EEA1: variants seen among roughly 807,000 people sequenced by gnomAD.
EEA1 encodes the protein early endosome antigen 1, 162kD.
In EEA1, 111 loss-of-function variants were observed where a neutral mutation model predicts 209.2. The observed-to-expected ratio is 0.53, with a 90% CI of 0.45 to 0.62. The LOEUF is 0.62. Among genes scored for constraint, EEA1 ranks in the 20% least tolerant of loss-of-function variants. The pLI is 0.00. For synonymous variants in EEA1, 536 were observed against 540.6 expected (o/e 0.99, Z 0.12); for missense variants, 1,343 against 1,530.8 (o/e 0.88, Z 2.05).
At chr12:92,870,292 A>C (rs1878584353) in intron 2 of EEA1, among the ~76,000 whole-genome samples, 2 of 152,198 alleles carry the variant, frequency 1.3e-5, no homozygotes, top group Admixed American at 6.5e-5. Context: ...AAAAGGTTGC[A>C]TTATTTTATA....
At chr12:92,798,782 C>A in intron 21 of EEA1, 110 bp downstream of exon 21, 2 of 739,408 alleles carry the variant, frequency 2.7e-6, no homozygotes, top group Non-Finnish European at 4.0e-6. Context: ...AAAAAATTAG[C>A]TTATGTAAAC....
chr12:92,827,881 G>A (rs1876392390), intron 12 of EEA1, 31 bp downstream of exon 12: 1 of 1,508,848 alleles, frequency 6.6e-7, no homozygotes, highest in South Asian at 1.4e-5. Context: ...GATGCCTCAA[G>A]CCTATCAATA....
At chr12:92,888,487 G>C (rs899671414) in intron 2 of EEA1, among the ~76,000 whole-genome samples, 1 of 151,774 alleles carries the variant, frequency 6.6e-6, no homozygotes, top group African/African-American at 2.4e-5. Context: ...TGAGGCAGGA[G>C]AATGGCGTGA....
chr12:92,872,751 G>A (rs189943159), intron 2 of EEA1, among the ~76,000 whole-genome samples: 4 of 152,194 alleles, frequency 2.6e-5, no homozygotes, highest in Admixed American at 6.5e-5. Context: ...TCAGGAGTTC[G>A]AGACCAGTCT....
At chr12:92,847,537 A>G (rs919853860) in intron 9 of EEA1, among the ~76,000 whole-genome samples, 3 of 152,238 alleles carry the variant, frequency 2.0e-5, no homozygotes, top group Admixed American at 1.3e-4. Context: ...ATGGTATGAC[A>G]CAACTCAAAA....
At chr12:92,809,756 ATAGTTAT>A (rs1875403936) in intron 17 of EEA1, among the ~76,000 whole-genome samples, 1 of 152,080 alleles carries the variant, frequency 6.6e-6, no homozygotes, top group African/African-American at 2.4e-5. Context: ...AGAAACATAA[ATAGTTAT>A]TATCTCAGTA....
chr12:92,801,560 T>C, intron 20 of EEA1, 40 bp downstream of exon 20: 1 of 1,329,518 alleles, frequency 7.5e-7, no homozygotes, highest in Non-Finnish European at 1.0e-6. Context: ...AAGACCTTAC[T>C]ATACTTTACA....
intron 3 of EEA1, among the ~76,000 whole-genome samples, chr12:92,860,692 G>T (rs149445486): frequency 6.6e-6 from 1 of 152,146 alleles, no homozygotes; most frequent in Non-Finnish European, 1.5e-5. Context: ...AGCTGGTGTG[G>T]CTGGCCATGG....
intron 22 of EEA1, among the ~76,000 whole-genome samples, chr12:92,785,371 A>G (rs1431939374): frequency 6.6e-6 from 1 of 152,172 alleles, no homozygotes; most frequent in African/African-American, 2.4e-5. Flanking sequence ...TACACTGTCA[A>G]CCCATGGTAG....
chr12:92,814,808 G>A (rs1434812629), intron 15 of EEA1, among the ~76,000 whole-genome samples: 1 of 152,140 alleles, frequency 6.6e-6, no homozygotes, highest in African/African-American at 2.4e-5. Flanking sequence ...ACACAAGGAA[G>A]TACCGTGGAA....
At chr12:92,894,898 A>G (rs1444200808) in intron 1 of EEA1, among the ~76,000 whole-genome samples, 3 of 152,224 alleles carry the variant, frequency 2.0e-5, no homozygotes, top group African/African-American at 4.8e-5. Context: ...TACTATAGCT[A>G]GAGAAGAGAA....
At chr12:92,777,129 G>A (rs1183709764) in intron 27 of EEA1, among the ~76,000 whole-genome samples, 187 bp from the exon 28 acceptor site, 1 of 151,866 alleles carries the variant, frequency 6.6e-6, no homozygotes, top group African/African-American at 2.4e-5. Flanking sequence ...AAATCTGAAT[G>A]ACAAAATAAA....
chr12:92,919,921 A>G (rs1324268811), intron 1 of EEA1, among the ~76,000 whole-genome samples: 10 of 79,730 alleles, frequency 1.3e-4, no homozygotes, highest in Admixed American at 1.6e-4. Flanking sequence ...AAATCAATGT[A>G]CAAAAATCAC....
chr12:92,823,870 G>C (rs1036800434), intron 13 of EEA1, among the ~76,000 whole-genome samples: 3 of 152,330 alleles, frequency 2.0e-5, no homozygotes, highest in East Asian at 1.9e-4. Context: ...TCTGGGTACA[G>C]TGTAAGAAAG....
At chr12:92,909,525 G>A (rs1444870025) in intron 1 of EEA1, among the ~76,000 whole-genome samples, 1 of 152,110 alleles carries the variant, frequency 6.6e-6, no homozygotes, top group South Asian at 2.1e-4. Flanking sequence ...ATGGAACAAA[G>A]GCAATAAAAT....
chr12:92,804,308 C>T (rs1404195534), intron 18 of EEA1, among the ~76,000 whole-genome samples: 1 of 152,126 alleles, frequency 6.6e-6, no homozygotes, highest in East Asian at 1.9e-4. Flanking sequence ...CACGGTGGCT[C>T]ACGCCTGTAA....
At chr12:92,831,929 C>CA (rs1257084371) in intron 11 of EEA1, among the ~76,000 whole-genome samples, 2 of 147,720 alleles carry the variant, frequency 1.4e-5, no homozygotes, top group East Asian at 2.0e-4. Flanking sequence ...ACTAAAAATA[C>CA]AAAAAAAATT....
At chr12:92,814,243 A>G (rs529365282) in intron 15 of EEA1, among the ~76,000 whole-genome samples, 73 of 152,318 alleles carry the variant, frequency 4.8e-4, no homozygotes, top group African/African-American at 1.7e-3. Flanking sequence ...CTTAATTTTC[A>G]CAGAAATAAT....
intron 20 of EEA1, among the ~76,000 whole-genome samples, chr12:92,800,376 G>T (rs1429191961): frequency 6.6e-6 from 1 of 152,052 alleles, no homozygotes; most frequent in Non-Finnish European, 1.5e-5. Flanking sequence ...TGTCACCAAG[G>T]TAAACCACTA....
Sources: gnomAD v4.1 joint callset for allele counts (sites outside exome capture counted in the v4.1 genomes callset) on GRCh38, gnomAD v4.1.1 for gene constraint, MANE v1.5 for transcripts, NCBI Gene and HGNC (gene_info 2026-07-23, HGNC 2026-07-21) for gene names.